The following DAB1 variants were observed in gnomAD, a reference collection of about 807,000 sequenced individuals.
DAB1 encodes DAB adaptor protein 1, also known as disabled homolog 1.
DAB1 carries 15 observed loss-of-function variants against 64.6 expected under a neutral mutation model. The ratio of observed to expected loss-of-function variants is 0.23; its 90% CI spans 0.16 to 0.36. DAB1 has a LOEUF of 0.36. Among genes scored for constraint, DAB1 ranks in the 10% least tolerant of loss-of-function variants. The pLI is 1.00. For synonymous variants in DAB1, 235 were observed against 251.9 expected (o/e 0.93, Z 0.64); for missense variants, 596 against 706.7 (o/e 0.84, Z 1.78).
At chr1:57,429,491 TGATGTAGCCCCACC>T (rs1357324835) in intron 7 of DAB1, among the ~76,000 whole-genome samples, 2 of 152,206 alleles carry the variant, frequency 1.3e-5, no homozygotes, top group Non-Finnish European at 1.5e-5. Context: ...GTTTTGAGTT[TGATGTAGCCCCACC>T]TGTCTACTTT....
intron 4 of DAB1, among the ~76,000 whole-genome samples, chr1:58,246,885 T>G (rs1194396628): frequency 6.6e-6 from 1 of 151,782 alleles, no homozygotes; most frequent in Non-Finnish European, 1.5e-5. Flanking sequence ...TGTGTGGGTG[T>G]GAGGGTAGTG....
upstream of DAB1, among the ~76,000 whole-genome samples, chr1:57,887,827 G>A (rs901441946): frequency 6.6e-6 from 1 of 152,154 alleles, no homozygotes; most frequent in African/African-American, 2.4e-5. Context: ...AATTAATGGT[G>A]TTGGTTTTTC....
intron 4 of DAB1, among the ~76,000 whole-genome samples, chr1:58,183,250 A>G (rs186401753): frequency 6.6e-6 from 1 of 152,176 alleles, no homozygotes; most frequent in Admixed American, 6.6e-5. Context: ...GGCAGTTTAC[A>G]AATCTGATAC....
At chr1:58,093,192 CCCAGAGCACTGAA>C (rs1570343500) in intron 5 of DAB1, among the ~76,000 whole-genome samples, 1 of 152,278 alleles carries the variant, frequency 6.6e-6, no homozygotes, top group East Asian at 1.9e-4. Flanking sequence ...CAAGTGGAGG[CCCAGAGCACTGAA>C]TCTGACAGCT....
chr1:58,262,595 A>G (rs1472600694), intron 4 of DAB1, among the ~76,000 whole-genome samples: 2 of 152,094 alleles, frequency 1.3e-5, no homozygotes, highest in Non-Finnish European at 2.9e-5. Flanking sequence ...AAAAAACAAA[A>G]AAAACAAAAA....
At chr1:58,113,917 C>T (rs889454710) in intron 5 of DAB1, among the ~76,000 whole-genome samples, 3 of 151,378 alleles carry the variant, frequency 2.0e-5, no homozygotes, top group African/African-American at 7.3e-5. Context: ...AGGAAGGTGC[C>T]CCCCCAAAGT....
At position 57,175,115 on chromosome 1, in the gene DAB1, A is replaced by G. The variant is rs1003931138; in HGVS notation, c.68-29686T>C. Among the ~76,000 whole-genome samples, 6 of 152,278 alleles carry G rather than the reference A, an allele frequency of 3.9e-5. 1 individual carries two copies. The South Asian group carries it at 1.2e-3, about 32-fold the overall frequency. On this transcript the variant is annotated intron_variant, in intron 2 of 14. Transcript: ENST00000371236. Reference sequence around the variant, plus strand: ...CACTTTAAAGAAATCAAAACTGGAAATCAAAGAATATATGTTTTATGCTTA... The same window carrying G: ...CACTTTAAAGAAATCAAAACTGGAAGTCAAAGAATATATGTTTTATGCTTA...
intron 6 of DAB1, among the ~76,000 whole-genome samples, chr1:57,737,755 T>C (rs1647767496): frequency 1.3e-5 from 2 of 152,140 alleles, no homozygotes. Context: ...GGGAGATAAA[T>C]GGGGGAAGAG....
intron 6 of DAB1, among the ~76,000 whole-genome samples, chr1:57,671,349 A>G (rs1196797107): frequency 4.6e-5 from 7 of 152,122 alleles, no homozygotes; most frequent in Non-Finnish European, 8.8e-5. Context: ...GTAAAATGCA[A>G]CCATTAAAAA....
At chr1:57,084,015 G>T (rs1213886295) in intron 4 of DAB1, among the ~76,000 whole-genome samples, 1 of 152,206 alleles carries the variant, frequency 6.6e-6, no homozygotes, top group Non-Finnish European at 1.5e-5. Flanking sequence ...TTGCTCTCCA[G>T]CTCAAATATT....
intron 1 of DAB1, among the ~76,000 whole-genome samples, chr1:57,395,802 G>T (rs1440041795): frequency 6.7e-6 from 1 of 149,680 alleles, no homozygotes; most frequent in Admixed American, 6.7e-5. Context: ...TACCATATTA[G>T]GGAATACAGA....
At chr1:57,758,576 AG>A (rs1648925422) in intron 6 of DAB1, among the ~76,000 whole-genome samples, 1 of 152,132 alleles carries the variant, frequency 6.6e-6, no homozygotes, top group Non-Finnish European at 1.5e-5. Flanking sequence ...TGGAGGAGGG[AG>A]GGAGCAAAGG....
At chr1:58,498,238 A>C (rs1645837721) in intron 3 of DAB1, among the ~76,000 whole-genome samples, 1 of 151,662 alleles carries the variant, frequency 6.6e-6, no homozygotes, top group African/African-American at 2.4e-5. Context: ...TAAAACTAAA[A>C]GTTAAAAAAA....
chr1:58,489,980 T>C (rs936252607), intron 3 of DAB1, among the ~76,000 whole-genome samples: 7 of 151,960 alleles, frequency 4.6e-5, no homozygotes, highest in East Asian at 3.9e-4. Flanking sequence ...GATAAAACCA[T>C]AAAGATGGGG....
chr1:58,064,904 A>G (rs1044410803), intron 5 of DAB1, among the ~76,000 whole-genome samples: 1 of 151,626 alleles, frequency 6.6e-6, no homozygotes, highest in African/African-American at 2.4e-5. Context: ...TTGTATTTTT[A>G]GTAGGGACGG....
At chr1:57,332,520 T>C (rs1272697496) in intron 1 of DAB1, among the ~76,000 whole-genome samples, 1 of 152,220 alleles carries the variant, frequency 6.6e-6, no homozygotes, top group African/African-American at 2.4e-5. Context: ...ATTACTATTA[T>C]TACTACCAAT....
At chr1:57,630,931 A>C (rs772528839) in intron 7 of DAB1, among the ~76,000 whole-genome samples, 102 of 152,220 alleles carry the variant, frequency 6.7e-4, no homozygotes, top group Non-Finnish European at 2.5e-4. Context: ...TGTAATAAGC[A>C]ACCATATTAT....
In DAB1 at chr1:57,907,958, A is replaced by T. The variant is rs553294771; in HGVS notation, n.388-23796T>A. Among the ~76,000 whole-genome samples, 13 of 151,218 alleles carry T rather than the reference A, an allele frequency of 8.6e-5. No individual in the cohort carries two copies. The South Asian group carries it at 2.5e-3, about 29-fold the overall frequency. The stretch of plus-strand genomic sequence containing the variant: ...ACACACACACACATATATATTTCAC[A>T]TGGAAACCAAATTACCCAGCACCAT... On this transcript the variant is annotated intron_variant and non_coding_transcript_variant, in intron 5 of 20. Coordinates refer to the DAB1 transcript ENST00000485760.
intron 7 of DAB1, among the ~76,000 whole-genome samples, chr1:57,532,129 G>C (rs1644669949): frequency 6.6e-6 from 1 of 152,078 alleles, no homozygotes. Flanking sequence ...GGTTTAAACT[G>C]AATTCAGTTT....
Sources: allele counts gnomAD v4.1 joint callset (sites outside exome capture counted in the v4.1 genomes callset), GRCh38; gene constraint gnomAD v4.1.1; transcripts MANE v1.5; gene names NCBI Gene and HGNC (gene_info 2026-07-23, HGNC 2026-07-21).